The following FBN2 variants were observed in gnomAD, a reference collection of about 807,000 sequenced individuals.
The protein encoded by FBN2 is fibrillin-2.
A neutral mutation model predicts 355.6 loss-of-function variants in FBN2; 105 were observed. The ratio of observed to expected loss-of-function variants is 0.30; its 90% CI spans 0.25 to 0.35. The LOEUF is 0.35. Among genes scored for constraint, FBN2 ranks in the 10% least tolerant of loss-of-function variants. The pLI, the probability that FBN2 is intolerant of heterozygous loss-of-function variation, is 1.00. For synonymous variants in FBN2, 1,350 were observed against 1,301.2 expected (o/e 1.04, Z -0.81); for missense variants, 3,280 against 3,758.7 (o/e 0.87, Z 3.33).
rs1749185455 is a variant in FBN2 at position 128,287,376 on chromosome 5, G to A, written c.6812C>T (p.Thr2271Ile). The A allele has an allele frequency of 3.1e-6, 5 of 1,614,052 alleles. No homozygotes were observed. In the East Asian group the frequency reaches 8.9e-5, roughly 29 times the overall value. ...PLLCAFRCMNTFGSYECTCPI... is the reference protein window; with the variant it reads ...PLLCAFRCMNIFGSYECTCPI... ...GCACGTGCATTCATAGGACCCAAAA[G>A]TGTTCATGCAGCGGAAAGCACACAG... is the stretch of plus-strand genomic sequence containing the variant. Residue 2271 changes from threonine (T) to isoleucine (I), a missense_variant, in exon 54 of 65, where the codon ACT becomes ATT. By Grantham distance (89) the Thr-to-Ile change is moderately conservative (BLOSUM62 -1). Transcript: ENST00000262464.
intron 5 of FBN2, among the ~76,000 whole-genome samples, chr5:128,494,776 C>T (rs796505280): frequency 8.5e-5 from 13 of 152,268 alleles, no homozygotes; most frequent in African/African-American, 3.1e-4. Flanking sequence ...CCAGCCAAGG[C>T]ACTAAACAAA....
At chr5:128,389,390 T>A (rs570650521) in intron 11 of FBN2, among the ~76,000 whole-genome samples, 1 of 152,304 alleles carries the variant, frequency 6.6e-6, no homozygotes, top group South Asian at 2.1e-4. Flanking sequence ...AAAGGAGCTA[T>A]GGTGGTGACA....
At chr5:128,393,052 T>C (rs1752559560) in intron 10 of FBN2, 83 bp downstream of exon 10, 1 of 1,135,538 alleles carries the variant, frequency 8.8e-7, no homozygotes, top group South Asian at 1.2e-5. Flanking sequence ...TACAACCCTT[T>C]TGAAAAATTA....
intron 7 of FBN2, among the ~76,000 whole-genome samples, chr5:128,427,541 C>T (rs779196347): frequency 2.0e-5 from 3 of 152,180 alleles, no homozygotes; most frequent in African/African-American, 4.8e-5. Flanking sequence ...GCCATGCCCA[C>T]GTGCCAGAGC....
chr5:128,377,315 G>C (rs1179845972), intron 13 of FBN2, among the ~76,000 whole-genome samples: 3 of 152,100 alleles, frequency 2.0e-5, no homozygotes, highest in African/African-American at 7.2e-5. Flanking sequence ...CACAGTTTTA[G>C]AGATTTGTGT....
rs774856011 is a variant in FBN2 at position 128,537,535 on chromosome 5, C to T, written c.69G>A (p.Ala23=). The T allele has an allele frequency of 1.9e-6, 3 of 1,589,430 alleles. No homozygotes were observed. The highest frequency in any genetic ancestry group is 2.7e-5 in the African/African-American group (2 of 74,374). ...GCTGAGGCTGGCCGGCCGTGCCCTGCGCCCAGAGCACCACACAGCCCAGCC... is the reference window on the plus strand; with the variant it reads ...GCTGAGGCTGGCCGGCCGTGCCCTGTGCCCAGAGCACCACACAGCCCAGCC... ...FLWLGCVVLW[A]QGTAGQPQPP... The change falls in exon 1 of 65, where the codon GCG becomes GCA. Residue 23 remains alanine (A), a synonymous_variant. Transcript: ENST00000262464.
rs370465689 is a variant in FBN2 at position 128,361,820 on chromosome 5, C to A, written c.2457G>T (p.Leu819=). The A allele has an allele frequency of 3.7e-6, 6 of 1,613,982 alleles. No homozygotes were observed. In the African/African-American group the frequency reaches 6.7e-5, roughly 18 times the overall value. ...TTCGGCACAATCCGTTATCACAAAG[C>A]AGTCTGTTTACTAAACATTCATCAA... ...IDIDECLVNR[L]LCDNGLCRNT... The change falls in exon 19 of 65, where the codon CTG becomes CTT. Residue 819 remains leucine, a synonymous_variant. Transcript: ENST00000262464.
chr5:128,481,341 C>A (rs1285117820), intron 5 of FBN2, among the ~76,000 whole-genome samples: 1 of 152,184 alleles, frequency 6.6e-6, no homozygotes, highest in East Asian at 1.9e-4. Context: ...AAAGTGCTGT[C>A]ATCAATTTCT....
intron 18 of FBN2, among the ~76,000 whole-genome samples, chr5:128,363,368 T>C (rs1751688509): frequency 6.6e-6 from 1 of 152,074 alleles, no homozygotes; most frequent in Non-Finnish European, 1.5e-5. Flanking sequence ...TTTTGTATTT[T>C]TTAGTAGAGG....
At chr5:128,341,948 C>G (rs1275648496) in intron 25 of FBN2, among the ~76,000 whole-genome samples, 2 of 152,182 alleles carry the variant, frequency 1.3e-5, no homozygotes, top group Admixed American at 1.3e-4. Context: ...GGCTTCAATC[C>G]TGTTCAAAAT....
intron 49 of FBN2, 57 bp from the exon 50 acceptor site, chr5:128,290,941 A>G: frequency 2.6e-6 from 4 of 1,523,666 alleles, no homozygotes; most frequent in Non-Finnish European, 3.6e-6. Context: ...GTTTGGACAG[A>G]ACATTTCTCA....
At chr5:128,519,684 C>A (rs1049834235) in intron 4 of FBN2, among the ~76,000 whole-genome samples, 1 of 151,598 alleles carries the variant, frequency 6.6e-6, no homozygotes, top group Admixed American at 6.6e-5. Flanking sequence ...AATGTAACTA[C>A]TCAACCCTCA....
intron 34 of FBN2, among the ~76,000 whole-genome samples, chr5:128,319,504 A>T (rs970478492): frequency 3.2e-5 from 3 of 93,406 alleles, no homozygotes; most frequent in African/African-American, 1.3e-4. Flanking sequence ...AAATTTAGTT[A>T]ATTTAGTTAA....
chr5:128,319,112 A>G, intron 34 of FBN2, 111 bp from the exon 35 acceptor site: 4 of 859,132 alleles, frequency 4.7e-6, no homozygotes, highest in Non-Finnish European at 7.4e-6. Flanking sequence ...TTTATTCAGT[A>G]AGGCTTTTTT....
chr5:128,362,483 C>T (rs1453671080), intron 18 of FBN2, among the ~76,000 whole-genome samples: 1 of 152,170 alleles, frequency 6.6e-6, no homozygotes, highest in African/African-American at 2.4e-5. Flanking sequence ...GTTTTTGAGA[C>T]AGGATCTCAC....
chr5:128,337,308 T>C (rs1750868011), intron 27 of FBN2, among the ~76,000 whole-genome samples: 1 of 152,150 alleles, frequency 6.6e-6, no homozygotes, highest in African/African-American at 2.4e-5. Flanking sequence ...TGTTTTGAAA[T>C]TTGGTGTGCA....
intron 2 of FBN2, among the ~76,000 whole-genome samples, chr5:128,535,283 A>G (rs1198882798): frequency 6.6e-6 from 1 of 152,218 alleles, no homozygotes; most frequent in African/African-American, 2.4e-5. Flanking sequence ...TCTTTTTTAA[A>G]AACTGCCCAG....
chr5:128,294,430 T>A (rs960748519), intron 48 of FBN2, among the ~76,000 whole-genome samples: 1 of 152,154 alleles, frequency 6.6e-6, no homozygotes, highest in African/African-American at 2.4e-5. Flanking sequence ...TCCACAACGG[T>A]TGAACTAGTT....
Position 128,395,145 on chromosome 5 carries a change from T to G in FBN2, c.1208A>C (p.Glu403Ala). The part of the protein sequence containing the change: ...GRCWGIGTIP[E>A]ACPVRGSEEY... ...ACCAGAACCTCTGACAGGACAGGCT[T>G]CAGGAATGGTTCCGATGCCCCAGCA... is the stretch of plus-strand genomic sequence containing the variant. Residue 403 changes from glutamate (E) to alanine (A), a missense_variant, in exon 9 of 65, where the codon GAA (glutamate) becomes GCA (alanine). Physicochemically the swap from Glu to Ala is moderately radical, Grantham distance 107 (BLOSUM62 -1). Around this residue, in one of 6 missense-constraint regions of FBN2, gnomAD observed 343 missense variants for 331.0 expected, o/e 1.04. Coordinates refer to ENST00000262464, the MANE Select transcript of FBN2 (RefSeq NM_001999.4). 6.2e-7 allele frequency: 1 copy of G among 1,614,106 alleles called. No individual in the cohort carries two copies. Among genetic ancestry groups the G allele is most frequent in the Non-Finnish European group, 8.5e-7 (1 of 1,180,006 alleles).
Sources: allele counts gnomAD v4.1 joint callset (sites outside exome capture counted in the v4.1 genomes callset), GRCh38; gene constraint gnomAD v4.1.1; regional missense constraint gnomAD v4.1.1; transcripts MANE v1.5; gene names NCBI Gene and HGNC (gene_info 2026-07-23, HGNC 2026-07-21).